Variants in MIR2052HG observed in about 807,000 individuals in gnomAD.
MIR2052HG encodes MIR2052 host gene.
At chr8:74,693,883 G>A (rs987923771) in intron 2 of MIR2052HG, among the ~76,000 whole-genome samples, 2 of 152,026 alleles carry the variant, frequency 1.3e-5, no homozygotes, top group African/African-American at 4.8e-5. Flanking sequence ...TATCTACCTT[G>A]GTAGCCAAAG....
At chr8:74,701,560 G>T (rs1043544891) in intron 2 of MIR2052HG, among the ~76,000 whole-genome samples, 9 of 152,076 alleles carry the variant, frequency 5.9e-5, no homozygotes, top group African/African-American at 2.2e-4. Flanking sequence ...ATCCTAACTA[G>T]ACTGTTCCTA....
At chr8:74,648,133 A>T (rs1413676788) in intron 2 of MIR2052HG, among the ~76,000 whole-genome samples, 2 of 152,184 alleles carry the variant, frequency 1.3e-5, no homozygotes, top group Non-Finnish European at 2.9e-5. Context: ...CCAGAAAGCT[A>T]TAGACAGATA....
chr8:74,731,981 C>A (rs1297267816), intron 4 of MIR2052HG, among the ~76,000 whole-genome samples: 1 of 152,104 alleles, frequency 6.6e-6, no homozygotes, highest in Admixed American at 6.6e-5. Flanking sequence ...ATTCTGAGTT[C>A]ATTTTAGCTG....
chr8:74,627,997 G>A (rs771759093), intron 2 of MIR2052HG, among the ~76,000 whole-genome samples: 3 of 152,152 alleles, frequency 2.0e-5, no homozygotes, highest in Non-Finnish European at 4.4e-5. Context: ...TAAGGATTGT[G>A]CTCTCCTTTT....
intron 4 of MIR2052HG, among the ~76,000 whole-genome samples, chr8:74,745,991 T>C (rs1393558354): frequency 6.6e-6 from 1 of 152,176 alleles, no homozygotes; most frequent in Non-Finnish European, 1.5e-5. Flanking sequence ...TGGCTTTACT[T>C]GCTCAAGGTC....
At chr8:74,700,989 G>A (rs1012745123) in intron 2 of MIR2052HG, among the ~76,000 whole-genome samples, 1 of 152,142 alleles carries the variant, frequency 6.6e-6, no homozygotes, top group East Asian at 1.9e-4. Flanking sequence ...ATAAAATGCA[G>A]TAAGTGATTT....
chr8:74,736,253 C>T (rs1451207419), intron 4 of MIR2052HG, among the ~76,000 whole-genome samples: 1 of 152,132 alleles, frequency 6.6e-6, no homozygotes, highest in Non-Finnish European at 1.5e-5. Flanking sequence ...CTTAGTAGTA[C>T]ACACTCCTCT....
chr8:74,702,113 T>C (rs928505445), intron 2 of MIR2052HG, among the ~76,000 whole-genome samples: 2 of 152,028 alleles, frequency 1.3e-5, no homozygotes, highest in Non-Finnish European at 2.9e-5. Flanking sequence ...TGACTCAAGG[T>C]ATAAAACTTA....
At chr8:74,628,660 CA>C (rs2128733779) in intron 2 of MIR2052HG, 1 of 152,236 alleles carries the variant, frequency 6.6e-6, no homozygotes, top group South Asian at 2.1e-4. Flanking sequence ...GAGTGATGAT[CA>C]AAGGTTACCA....
intron 2 of MIR2052HG, among the ~76,000 whole-genome samples, chr8:74,629,595 A>T (rs554213449): frequency 5.9e-5 from 9 of 152,186 alleles, no homozygotes; most frequent in African/African-American, 1.9e-4. Context: ...TAACTTTCAG[A>T]GAGCTTACTC....
At chr8:74,646,528 G>A (rs2128735738) in intron 2 of MIR2052HG, among the ~76,000 whole-genome samples, 2 of 152,284 alleles carry the variant, frequency 1.3e-5, no homozygotes, top group South Asian at 4.2e-4. Context: ...AGGAGATGAT[G>A]AGTTCAGTTT....
At chr8:74,747,091 T>C (rs1809896113) in intron 4 of MIR2052HG, among the ~76,000 whole-genome samples, 1 of 152,144 alleles carries the variant, frequency 6.6e-6, no homozygotes, top group Admixed American at 6.6e-5. Context: ...ATACATATAC[T>C]CTAGATGTGA....
chr8:74,741,342 A>C (rs1478016781), intron 4 of MIR2052HG, among the ~76,000 whole-genome samples: 1 of 152,178 alleles, frequency 6.6e-6, no homozygotes, highest in East Asian at 1.9e-4. Context: ...CCTTGCCTGC[A>C]TGTTTAGCAT....
At position 74,674,495 on chromosome 8, in the gene MIR2052HG, G is replaced by A. The variant is rs188793841; in HGVS notation, n.217-27884G>A. On this transcript the variant is annotated intron_variant and non_coding_transcript_variant, in intron 2 of 6. Transcript: ENST00000523442. ...AAAATTAAACATAATATTGAAAGAC[G>A]TACATTTCTACTAACAAGTTGGATC... 5.9e-5 allele frequency among the ~76,000 whole-genome samples: 9 copies of A among 151,912 alleles called. No homozygotes were observed. In the South Asian group the frequency reaches 1.2e-3, roughly 21 times the overall value.
At chr8:74,668,003 T>A (rs1304439289) in intron 2 of MIR2052HG, among the ~76,000 whole-genome samples, 1 of 150,674 alleles carries the variant, frequency 6.6e-6, no homozygotes, top group Non-Finnish European at 1.5e-5. Flanking sequence ...ATTGTAGGCA[T>A]GCAAAGAGAG....
chr8:74,653,054 T>A (rs1468972155), intron 2 of MIR2052HG, among the ~76,000 whole-genome samples: 1 of 151,882 alleles, frequency 6.6e-6, no homozygotes, highest in African/African-American at 2.4e-5. Flanking sequence ...ATACCTAAAC[T>A]TTTTTTTCCC....
chr8:74,650,461 T>C (rs1476431786), intron 2 of MIR2052HG, among the ~76,000 whole-genome samples: 1 of 152,200 alleles, frequency 6.6e-6, no homozygotes, highest in Non-Finnish European at 1.5e-5. Context: ...TTTAATGTTT[T>C]TATTTTCAGT....
intron 2 of MIR2052HG, among the ~76,000 whole-genome samples, chr8:74,680,902 T>G (rs1809116860): frequency 6.6e-6 from 1 of 151,678 alleles, no homozygotes; most frequent in Non-Finnish European, 1.5e-5. Context: ...GATGAGTTCA[T>G]GTCCTTTGTA....
intron 4 of MIR2052HG, among the ~76,000 whole-genome samples, chr8:74,727,995 T>G (rs1335963694): frequency 1.3e-5 from 2 of 150,794 alleles, no homozygotes; most frequent in African/African-American, 2.5e-5. Flanking sequence ...CTTGGCTGCT[T>G]CTTCTATATC....
Sources: gnomAD v4.1 joint callset for allele counts (sites outside exome capture counted in the v4.1 genomes callset) on GRCh38, gnomAD v4.1.1 for gene constraint, MANE v1.5 for transcripts, NCBI Gene and HGNC (gene_info 2026-07-23, HGNC 2026-07-21) for gene names.